HNRNPC: variants seen among roughly 807,000 people sequenced by gnomAD.
The protein encoded by HNRNPC is heterogeneous nuclear ribonucleoproteins C1/C2.
In HNRNPC, 3 loss-of-function variants were observed where a neutral mutation model predicts 33.2. That is an observed-to-expected ratio of 0.09 (90% CI 0.04 to 0.23). The LOEUF (loss-of-function observed/expected upper bound fraction) is 0.23, where lower values mean the gene tolerates loss of function less well. Ranked by LOEUF, HNRNPC falls within the 10% of genes least tolerant of loss-of-function variation. The probability of loss-of-function intolerance (pLI) is 1.00; values close to 1 mark genes in which losing one functional copy is unlikely to be tolerated. For synonymous variants in HNRNPC, 121 were observed against 126.7 expected (o/e 0.96, Z 0.30); for missense variants, 143 against 366.7 (o/e 0.39, Z 4.98).
At chr14:21,267,453 C>T (rs1203611963) in intron 1 of HNRNPC, among the ~76,000 whole-genome samples, 4 of 152,152 alleles carry the variant, frequency 2.6e-5, no homozygotes, top group Non-Finnish European at 4.4e-5. Context: ...ATGTCAAATC[C>T]TCTAGAGATT....
chr14:21,226,575 G>A (rs1022154998), intron 5 of HNRNPC, among the ~76,000 whole-genome samples: 2 of 151,896 alleles, frequency 1.3e-5, no homozygotes. Context: ...TTAAAAAGAG[G>A]GCCAGGCGTA....
intron 2 of HNRNPC, chr14:21,262,818 ACATTTTATTGCAG>A (rs1157953632): frequency 3.9e-5 from 6 of 152,258 alleles, no homozygotes; most frequent in Non-Finnish European, 8.8e-5. Flanking sequence ...AGTACCACAC[ACATTTTATTGCAG>A]CACAGTTTAA....
intron 5 of HNRNPC, among the ~76,000 whole-genome samples, chr14:21,228,844 G>A (rs999934855): frequency 2.6e-5 from 4 of 151,898 alleles, no homozygotes; most frequent in Admixed American, 6.6e-5. Flanking sequence ...CAGCACTTTG[G>A]GAGGTCAAGG....
chr14:21,238,519 G>C (rs1039018522), intron 2 of HNRNPC, among the ~76,000 whole-genome samples: 3 of 152,084 alleles, frequency 2.0e-5, no homozygotes, highest in Non-Finnish European at 4.4e-5. Context: ...TGGGATTTCT[G>C]TAGGAAAAAC....
intron 1 of HNRNPC, among the ~76,000 whole-genome samples, chr14:21,266,808 G>GGGCCGGGTGC (rs1406214999): frequency 2.6e-5 from 4 of 151,604 alleles, no homozygotes; most frequent in African/African-American, 9.7e-5. Context: ...TAGAAAACCG[G>GGGCCGGGTGC]GGCCGGGTGC....
intron 5 of HNRNPC, among the ~76,000 whole-genome samples, chr14:21,220,413 G>C (rs1892695920): frequency 6.6e-6 from 1 of 152,034 alleles, no homozygotes; most frequent in Non-Finnish European, 1.5e-5. Flanking sequence ...ATTTTTGGTA[G>C]AAATGGGATT....
intron 1 of HNRNPC, among the ~76,000 whole-genome samples, chr14:21,267,194 T>G (rs1245895916): frequency 6.6e-6 from 1 of 151,538 alleles, no homozygotes; most frequent in Non-Finnish European, 1.5e-5. Context: ...AAATTTGAAT[T>G]AGAAACTAAA....
At chr14:21,226,379 G>A (rs552446472) in intron 5 of HNRNPC, among the ~76,000 whole-genome samples, 1 of 150,142 alleles carries the variant, frequency 6.7e-6, no homozygotes, top group East Asian at 2.0e-4. Flanking sequence ...AGCTGTTGAC[G>A]AACATCAATT....
At chr14:21,219,122 A>AAAAGAAGAAG (rs771795365) in intron 5 of HNRNPC, among the ~76,000 whole-genome samples, 2 of 150,392 alleles carry the variant, frequency 1.3e-5, no homozygotes, top group Admixed American at 1.4e-4. Context: ...AAAAAAAAAA[A>AAAAGAAGAAG]AAGAAGAAAA....
Position 21,232,427 on chromosome 14 carries a change from G to C in HNRNPC, c.242-1355C>G, listed in dbSNP as rs933749279. Reference sequence around the variant, plus strand: ...GAGTCTTGCCCCATTGCCCAGGCTGGAGTGCAATCACGGCTCACTGTAACC... The same window carrying C: ...GAGTCTTGCCCCATTGCCCAGGCTGCAGTGCAATCACGGCTCACTGTAACC... On this transcript the variant is annotated intron_variant, in intron 3 of 8. Coordinates refer to ENST00000553300, the MANE Select transcript of HNRNPC (RefSeq NM_004500.4). Among the ~76,000 whole-genome samples, 10 of 152,086 alleles carry C rather than the reference G, an allele frequency of 6.6e-5. 1 individual carries two copies. The highest frequency in any genetic ancestry group is 1.3e-4 in the Admixed American group (2 of 15,262).
chr14:21,229,245 C>CCGG (rs1893828729), intron 5 of HNRNPC, among the ~76,000 whole-genome samples: 1 of 151,770 alleles, frequency 6.6e-6, no homozygotes, highest in Non-Finnish European at 1.5e-5. Flanking sequence ...AAAAAATTAG[C>CCGG]CGGGTGTGGT....
At chr14:21,260,590 G>C (rs192310618) in intron 2 of HNRNPC, among the ~76,000 whole-genome samples, 1 of 151,764 alleles carries the variant, frequency 6.6e-6, no homozygotes, top group Non-Finnish European at 1.5e-5. Flanking sequence ...AGGCTGAGGC[G>C]GGTGGATCAC....
rs1378944549 is a variant in HNRNPC, at chr14:21,228,553, A to G, written c.365+1766T>C. Among the ~76,000 whole-genome samples, 3 of 151,956 alleles carry G rather than the reference A, an allele frequency of 2.0e-5. No homozygotes were observed. The South Asian group carries it at 6.3e-4, about 32-fold the overall frequency. On this transcript the variant is annotated intron_variant, in intron 5 of 8. Coordinates refer to ENST00000553300, the MANE Select transcript of HNRNPC (RefSeq NM_004500.4). ...ACTACAGGCGCGTGCCACCACGCCC[A>G]GCTAATTTTTGTATTTTTTTAGTAG...
chr14:21,223,767 A>G (rs1379686936), intron 5 of HNRNPC, among the ~76,000 whole-genome samples: 2 of 152,090 alleles, frequency 1.3e-5, no homozygotes, highest in Non-Finnish European at 1.5e-5. Flanking sequence ...AAAACAAACA[A>G]AAAAGACTAA....
intron 2 of HNRNPC, among the ~76,000 whole-genome samples, chr14:21,249,871 C>A (rs1896438096): frequency 6.6e-6 from 1 of 151,912 alleles, no homozygotes; most frequent in Admixed American, 6.6e-5. Context: ...CCAACAAACA[C>A]CAGGAATATT....
chr14:21,242,075 A>G (rs1895415663), intron 2 of HNRNPC, among the ~76,000 whole-genome samples: 1 of 152,236 alleles, frequency 6.6e-6, no homozygotes, highest in African/African-American at 2.4e-5. Context: ...AAAACTGCAC[A>G]CGCAAAGGTC....
At position 21,233,944 on chromosome 14, in the gene HNRNPC, T is replaced by A. The variant is rs769288441; in HGVS notation, c.241+9A>T. The A allele has an allele frequency of 6.2e-7, 1 of 1,608,750 alleles. No individual in the cohort carries two copies. The highest frequency in any genetic ancestry group is 8.5e-7 in the Non-Finnish European group (1 of 1,177,934). ...CTGAATTACATCATCAATGAAAAAA[T>A]TCACTTACCTAAAACCTGGCCAGCA... On this transcript the variant is annotated intron_variant, in intron 3 of 8. Transcript: ENST00000553300.
intron 5 of HNRNPC, among the ~76,000 whole-genome samples, chr14:21,227,518 T>C (rs1300430186): frequency 2.6e-5 from 4 of 152,208 alleles, no homozygotes; most frequent in Admixed American, 6.5e-5. Flanking sequence ...GCAAAAATAA[T>C]TGCGGTTTTG....
chr14:21,266,732 A>C (rs1594348687), intron 1 of HNRNPC, among the ~76,000 whole-genome samples: 1 of 151,220 alleles, frequency 6.6e-6, no homozygotes, highest in Non-Finnish European at 1.5e-5. Context: ...CCCCAGAGAC[A>C]ACTACTAATA....
Sources: gnomAD v4.1 joint callset for allele counts (sites outside exome capture counted in the v4.1 genomes callset) on GRCh38, gnomAD v4.1.1 for gene constraint, MANE v1.5 for transcripts, NCBI Gene and HGNC (gene_info 2026-07-23, HGNC 2026-07-21) for gene names.